NUMA1: variants seen among roughly 807,000 people sequenced by gnomAD.
NUMA1 encodes the protein nuclear mitotic apparatus protein 1.
NUMA1 carries 62 observed loss-of-function variants against 237.1 expected under a neutral mutation model. The ratio of observed to expected loss-of-function variants is 0.26; its 90% CI spans 0.21 to 0.32. The LOEUF (loss-of-function observed/expected upper bound fraction) is 0.32. Among genes scored for constraint, NUMA1 ranks in the 10% least tolerant of loss-of-function variants. The probability of loss-of-function intolerance (pLI) is 1.00; values close to 1 mark genes in which losing one functional copy is unlikely to be tolerated. For missense variants in NUMA1, 2,533 were observed against 2,666.5 expected (o/e 0.95, Z 1.10); for synonymous variants, 1,028 against 1,066.1 (o/e 0.96, Z 0.70).
chr11:72,034,097 A>G (rs1248932441), intron 3 of NUMA1, among the ~76,000 whole-genome samples: 1 of 152,192 alleles, frequency 6.6e-6, no homozygotes, highest in Non-Finnish European at 1.5e-5. Flanking sequence ...TCTAGGCAAC[A>G]GAATGAGACT....
chr11:72,065,580 T>G (rs1403547466), intron 2 of NUMA1: 2 of 152,216 alleles, frequency 1.3e-5, no homozygotes, highest in East Asian at 3.8e-4. Flanking sequence ...TTTCTCCAGA[T>G]AGTGGGATTA....
At chr11:72,020,085 G>A (rs941454208) in intron 8 of NUMA1, among the ~76,000 whole-genome samples, 2 of 152,144 alleles carry the variant, frequency 1.3e-5, no homozygotes, top group Admixed American at 6.5e-5. Context: ...CTCTTTCCGT[G>A]GTTTCCGTGA....
intron 19 of NUMA1, 26 bp from the exon 20 acceptor site, chr11:72,008,871 A>G: frequency 2.5e-6 from 4 of 1,613,704 alleles, no homozygotes; most frequent in South Asian, 1.1e-5. Flanking sequence ...CCAGGGGGAG[A>G]GTGAAGAAAA....
chr11:72,049,596 G>A lies in NUMA1; in HGVS notation c.-32-13621C>T, dbSNP rs558324893. 306 of 64,162 alleles carry A rather than the reference G, an allele frequency of 4.8e-3. 1 individual carries two copies. Among genetic ancestry groups the A allele is most frequent in the Non-Finnish European group, 6.3e-3 (204 of 32,150 alleles). The allele number at this position is 64,162 out of a possible 1,614,324, so 4.0% of individuals were successfully genotyped here. A position where few individuals can be genotyped will look rare whatever the true frequency, so the allele number is the denominator to read the frequency against. On this transcript the variant is annotated intron_variant, in intron 2 of 26. Coordinates refer to ENST00000393695, the MANE Select transcript of NUMA1 (RefSeq NM_006185.4). ...ATATATATATATAGTGTGTGTGTGT[G>A]TATATATATATATATATTTGCCTAT...
At position 72,014,873 on chromosome 11, in the gene NUMA1, A is replaced by G; in HGVS notation, c.2630T>C (p.Leu877Pro). The change falls in exon 15 of 27, where the codon CTC becomes CCC. Residue 877 changes from leucine (L) to proline (P), a missense_variant. Coordinates refer to ENST00000393695, the MANE Select transcript of NUMA1 (RefSeq NM_006185.4). The surrounding 1 kb of genome is among the most constrained non-coding windows in gnomAD (Gnocchi z 4.6). ...ISRQQNELAE[L>P]HANLARALQQ... ...GAGTGCTCTGGCCAGGTTGGCATGG[A>G]GCTCAGCTAGTTCGTTCTGCTGCCG... 6.2e-7 allele frequency: 1 copy of G among 1,614,128 alleles called. No individual in the cohort carries two copies. The highest frequency in any genetic ancestry group is 8.5e-7 in the Non-Finnish European group (1 of 1,180,028).
chr11:72,028,819 A>G (rs1939922682), intron 4 of NUMA1, among the ~76,000 whole-genome samples: 1 of 152,214 alleles, frequency 6.6e-6, no homozygotes, highest in African/African-American at 2.4e-5. Context: ...CTTCCCTCAG[A>G]AGGCTGCAAA....
At position 72,021,199 on chromosome 11, in the gene NUMA1, C is replaced by T. The variant is rs1489966379; in HGVS notation, c.460+5G>A. 1 of 1,609,386 alleles carries T rather than the reference C, an allele frequency of 6.2e-7. No homozygotes were observed. The highest frequency in any genetic ancestry group is 1.3e-5 in the African/African-American group (1 of 74,830). Reference sequence around the variant, plus strand: ...GGGGATTCTCAGGAGTGTGTACCTACTTACCTTTCTGTAGGAAGTTCTCTA... The same window carrying T: ...GGGGATTCTCAGGAGTGTGTACCTATTTACCTTTCTGTAGGAAGTTCTCTA... On this transcript the variant is annotated splice_donor_5th_base_variant and intron_variant, in intron 8 of 26. Coordinates refer to ENST00000393695, the MANE Select transcript of NUMA1 (RefSeq NM_006185.4).
intron 1 of NUMA1, among the ~76,000 whole-genome samples, chr11:72,077,808 C>A (rs1407414761): frequency 2.8e-5 from 3 of 108,172 alleles, no homozygotes; most frequent in African/African-American, 3.6e-5. Flanking sequence ...AGTGAGACTC[C>A]ATCTCAAAAA....
intron 2 of NUMA1, chr11:72,049,552 A>AAAAAAATT (rs57970160): frequency 1.0e-4 from 1 of 9,620 alleles, no homozygotes; most frequent in Non-Finnish European, 5.1e-4. Flanking sequence ...AAAAAAAAAA[A>AAAAAAATT]TAATAATAAT....
chr11:72,031,778 C>T (rs984065554), intron 3 of NUMA1, among the ~76,000 whole-genome samples: 1 of 151,980 alleles, frequency 6.6e-6, no homozygotes, highest in African/African-American at 2.4e-5. Flanking sequence ...CACACCACTG[C>T]ACTCTAGCCT....
Position 72,014,541 on chromosome 11 carries a change from G to A in NUMA1, c.2962C>T (p.Leu988=). 2 of 1,602,212 alleles carry A rather than the reference G, an allele frequency of 1.2e-6. No individual in the cohort carries two copies. The highest frequency in any genetic ancestry group is 1.7e-6 in the Non-Finnish European group (2 of 1,179,958). The change falls in exon 15 of 27, where the codon CTG becomes TTG. Residue 988 remains leucine, a synonymous_variant. Coordinates refer to ENST00000393695, the MANE Select transcript of NUMA1 (RefSeq NM_006185.4). This position sits in a 1 kb window ranked among gnomAD's most constrained non-coding sequence, Gnocchi z 4.6. The part of the protein sequence containing the change: ...GNELERLRAA[L]MESQGQQQEE... The stretch of plus-strand genomic sequence containing the variant: ...TGCTGCTGCCCCTGGCTCTCCATCA[G>A]CGCGGCCCGCAGCCGTTCCAGCTCA...
At chr11:72,012,517 C>T (rs1956223635) in intron 15 of NUMA1, 75 bp from the exon 16 acceptor site, 1 of 1,395,126 alleles carries the variant, frequency 7.2e-7, no homozygotes, top group African/African-American at 1.4e-5. Flanking sequence ...GCCAGGCTGA[C>T]CTCACTGAGG....
chr11:72,014,922 A>T lies in NUMA1; in HGVS notation c.2581T>A (p.Ser861Thr). ...CGGCTTATCTGGAGCTCGCTGTGGGATTCTATGCCTGCCACCTTCTCCTTT... is the reference window on the plus strand; with the variant it reads ...CGGCTTATCTGGAGCTCGCTGTGGGTTTCTATGCCTGCCACCTTCTCCTTT... ...EAKEKVAGIESHSELQISRQQ... is the reference protein window; with the variant it reads ...EAKEKVAGIETHSELQISRQQ... Residue 861 changes from serine (S) to threonine (T), a missense_variant, in exon 15 of 27, where the codon TCC (serine) becomes ACC (threonine). Coordinates refer to ENST00000393695, the MANE Select transcript of NUMA1 (RefSeq NM_006185.4). The surrounding 1 kb of genome is among the most constrained non-coding windows in gnomAD (Gnocchi z 4.6). The T allele has an allele frequency of 3.7e-6, 6 of 1,614,008 alleles. No individual in the cohort carries two copies. Among genetic ancestry groups the T allele is most frequent in the African/African-American group, 1.3e-5 (1 of 74,990 alleles).
chr11:72,017,283 G>C (rs773636835), intron 13 of NUMA1: 7 of 243,296 alleles, frequency 2.9e-5, no homozygotes, highest in Non-Finnish European at 5.0e-5. Context: ...AATCACAACT[G>C]GTTCACTGAG....
chr11:72,068,965 A>G (rs1399690891), intron 2 of NUMA1, among the ~76,000 whole-genome samples: 3 of 152,198 alleles, frequency 2.0e-5, no homozygotes, highest in Admixed American at 2.0e-4. Flanking sequence ...GTTTCTAAAA[A>G]TTGAATCCAC....
At chr11:72,052,039 G>A (rs1032002786) in intron 2 of NUMA1, among the ~76,000 whole-genome samples, 3 of 152,176 alleles carry the variant, frequency 2.0e-5, no homozygotes, top group African/African-American at 7.2e-5. Context: ...GCAGAAAATG[G>A]ACTTAGGTGG....
intron 2 of NUMA1, among the ~76,000 whole-genome samples, chr11:72,061,431 T>A (rs1037899301): frequency 6.6e-6 from 1 of 151,754 alleles, no homozygotes; most frequent in African/African-American, 2.4e-5. Flanking sequence ...TACTTATGGG[T>A]TGCAACACTA....
intron 2 of NUMA1, among the ~76,000 whole-genome samples, chr11:72,044,797 A>T (rs1421852006): frequency 6.6e-6 from 1 of 151,324 alleles, no homozygotes; most frequent in African/African-American, 2.4e-5. Context: ...CCTACCAAGT[A>T]GCTGAGATTA....
In NUMA1 at chr11:72,015,594, A is replaced by T. The variant is rs1156507648; in HGVS notation, c.1909T>A (p.Ser637Thr). The T allele has an allele frequency of 6.2e-7, 1 of 1,613,524 alleles. No individual in the cohort carries two copies. Among genetic ancestry groups the T allele is most frequent in the African/African-American group, 1.3e-5 (1 of 74,996 alleles). Residue 637 changes from serine to threonine, a missense_variant, in exon 15 of 27, where the codon TCA becomes ACA. Transcript: ENST00000393695. This position sits in a 1 kb window ranked among gnomAD's most constrained non-coding sequence, Gnocchi z 4.0. ...ANEARDSAQT[S>T]VTQAQREKAE... ...TTCTCCCGCTGGGCCTGTGTCACTG[A>T]GGTCTGGGCACTGTCCCGGGCTTCA... is the stretch of plus-strand genomic sequence containing the variant.
Sources: gnomAD v4.1 joint callset for allele counts (sites outside exome capture counted in the v4.1 genomes callset) on GRCh38, gnomAD v4.1.1 for gene constraint, Gnocchi (gnomAD v3.1) non-coding constraint, MANE v1.5 for transcripts, NCBI Gene and HGNC (gene_info 2026-07-23, HGNC 2026-07-21) for gene names.